The following TACC2 variants were observed in gnomAD, a reference collection of about 807,000 sequenced individuals.
TACC2 encodes the protein transforming acidic coiled-coil-containing protein 2.
A neutral mutation model predicts 227.3 loss-of-function variants in TACC2; 137 were observed. The observed-to-expected ratio is 0.60, with a 90% CI of 0.52 to 0.69. The LOEUF (loss-of-function observed/expected upper bound fraction) is 0.69. Among genes scored for constraint, TACC2 ranks in the 30% least tolerant of loss-of-function variants. The pLI is 0.00. For missense variants in TACC2, 3,470 were observed against 3,694.4 expected (o/e 0.94, Z 1.57); for synonymous variants, 1,523 against 1,487.5 (o/e 1.02, Z -0.55).
rs1006309780 is a variant in TACC2 at position 122,050,236 on chromosome 10, G to A, written c.34-202G>A. On this transcript the variant is annotated intron_variant, in intron 2 of 22. Coordinates refer to ENST00000369005, the MANE Select transcript of TACC2 (RefSeq NM_206862.4). This position sits in a 1 kb window ranked among gnomAD's most constrained non-coding sequence, Gnocchi z 4.6. Reference sequence around the variant, plus strand: ...ACTTTGTTTCTTCCCCACTGGATGAGAGCAGCAGCCACCTTTGCTTCGCTG... The same window carrying A: ...ACTTTGTTTCTTCCCCACTGGATGAAAGCAGCAGCCACCTTTGCTTCGCTG... 4.6e-5 allele frequency among the ~76,000 whole-genome samples: 7 copies of A among 152,182 alleles called. No homozygotes were observed. Among genetic ancestry groups the A allele is most frequent in the Non-Finnish European group, 7.3e-5 (5 of 68,046 alleles).
rs1194735598 is a variant in TACC2 at position 122,157,129 on chromosome 10, A to G, written c.5834+13423A>G. On this transcript the variant is annotated intron_variant, in intron 7 of 22. Transcript: ENST00000369005. ...CCTGTCTCAAATAAAATACAGTAAA[A>G]TAGACTTGTGAAGACAGGAGGAGCA... Among the ~76,000 whole-genome samples the G allele has an allele frequency of 9.2e-5, 14 of 152,230 alleles. 1 individual carries two copies. In the East Asian group the frequency reaches 2.7e-3, roughly 29 times the overall value.
Position 122,086,597 on chromosome 10 carries a change from C to A in TACC2, c.4097C>A (p.Ala1366Glu). The change falls in exon 4 of 23, where the codon GCA (alanine) becomes GAA (glutamate). Residue 1366 changes from alanine to glutamate, a missense_variant. By Grantham distance (107) the Ala-to-Glu change is moderately radical (BLOSUM62 -1). Coordinates refer to ENST00000369005, the MANE Select transcript of TACC2 (RefSeq NM_206862.4). ...AGTGGGGAGGGCATGGCAGGTGATG[C>A]AGCAGGAGAGACAGAGGGCAGCATG... ...KASGEGMAGDAAGETEGSMER... is the reference protein window; with the variant it reads ...KASGEGMAGDEAGETEGSMER... 1 of 1,597,442 alleles carries A rather than the reference C, an allele frequency of 6.3e-7. No individual in the cohort carries two copies. The highest frequency in any genetic ancestry group is 8.5e-7 in the Non-Finnish European group (1 of 1,171,788).
intron 19 of TACC2, among the ~76,000 whole-genome samples, chr10:122,245,549 C>T (rs2096092004): frequency 1.3e-5 from 2 of 152,054 alleles, no homozygotes; most frequent in East Asian, 3.9e-4. Context: ...GCCAGAATTC[C>T]AAGAATAAAA....
At chr10:122,239,744 T>C (rs1406874400) in intron 18 of TACC2, among the ~76,000 whole-genome samples, 1 of 152,068 alleles carries the variant, frequency 6.6e-6, no homozygotes, top group East Asian at 1.9e-4. Context: ...GGAGGTGCCA[T>C]TTACTAGCTG....
intron 2 of TACC2, among the ~76,000 whole-genome samples, chr10:122,035,300 G>C (rs1959917345): frequency 6.6e-6 from 1 of 152,188 alleles, no homozygotes; most frequent in Admixed American, 6.5e-5. Context: ...TACTTATTTA[G>C]GTGCTGTGAT....
At chr10:122,248,131 A>C (rs1364596807) in intron 19 of TACC2, 1 of 155,068 alleles carries the variant, frequency 6.4e-6, no homozygotes, top group Admixed American at 6.2e-5. Context: ...GCGTGAATGG[A>C]ATTTCAGAGG....
At chr10:122,250,785 C>A (rs946721807) in intron 22 of TACC2, among the ~76,000 whole-genome samples, 1 of 152,114 alleles carries the variant, frequency 6.6e-6, no homozygotes, top group African/African-American at 2.4e-5. Context: ...AAGCCTGTAT[C>A]GTTGGGCAGA....
At chr10:122,136,761 C>T (rs111251990) in intron 6 of TACC2, among the ~76,000 whole-genome samples, 13 of 152,122 alleles carry the variant, frequency 8.5e-5, no homozygotes, top group African/African-American at 3.1e-4. Context: ...GCCATGATGG[C>T]CAGACTAGTC....
At chr10:122,208,733 AGG>A (rs1297041752) in intron 8 of TACC2, among the ~76,000 whole-genome samples, 3 of 152,212 alleles carry the variant, frequency 2.0e-5, no homozygotes, top group Non-Finnish European at 4.4e-5. Context: ...CGGTGGCAGA[AGG>A]GGACTGGGGG....
At chr10:122,072,793 GTAGACCCAGTGC>G (rs1011026579) in intron 3 of TACC2, among the ~76,000 whole-genome samples, 4 of 152,008 alleles carry the variant, frequency 2.6e-5, no homozygotes, top group African/African-American at 4.8e-5. Flanking sequence ...TCAACAGAGC[GTAGACCCAGTGC>G]TAGACTAAGA....
chr10:122,254,232 T>C lies in TACC2; in HGVS notation c.*176T>C. On this transcript the variant is annotated 3_prime_UTR_variant, in exon 23 of 23. Coordinates refer to ENST00000369005, the MANE Select transcript of TACC2 (RefSeq NM_206862.4). The stretch of plus-strand genomic sequence containing the variant: ...CAGTACTAAGGAGACTATCAGAATT[T>C]CTTGCTATTGGTTTGCATTTTCCTA... The C allele has an allele frequency of 2.9e-6, 2 of 690,558 alleles. No individual in the cohort carries two copies. Among genetic ancestry groups the C allele is most frequent in the Non-Finnish European group, 5.3e-6 (2 of 378,194 alleles). The allele number at this position is 690,558 out of a possible 1,614,324, so 42.8% of individuals were successfully genotyped here.
At chr10:122,119,740 C>A (rs1233688596) in intron 5 of TACC2, among the ~76,000 whole-genome samples, 1 of 152,036 alleles carries the variant, frequency 6.6e-6, no homozygotes, top group Non-Finnish European at 1.5e-5. Flanking sequence ...ATGGCAAAAC[C>A]CTGTTCCTAC....
intron 5 of TACC2, among the ~76,000 whole-genome samples, chr10:122,114,801 C>T (rs1324322490): frequency 6.6e-6 from 1 of 152,230 alleles, no homozygotes; most frequent in East Asian, 1.9e-4. Flanking sequence ...ATCTTCAGGT[C>T]AAATGCTGCC....
At chr10:122,182,442 G>A (rs2094002445) in intron 7 of TACC2, among the ~76,000 whole-genome samples, 1 of 152,116 alleles carries the variant, frequency 6.6e-6, no homozygotes, top group South Asian at 2.1e-4. Context: ...AGTTGCTTGG[G>A]ATTTAGCCAA....
intron 22 of TACC2, among the ~76,000 whole-genome samples, chr10:122,250,909 T>C (rs974911412): frequency 1.6e-5 from 2 of 127,484 alleles, no homozygotes; most frequent in African/African-American, 5.8e-5. Flanking sequence ...ATTATTTTCA[T>C]TCTTTTTTTT....
At chr10:122,074,808 G>A (rs1246650505) in intron 3 of TACC2, among the ~76,000 whole-genome samples, 1 of 152,164 alleles carries the variant, frequency 6.6e-6, no homozygotes, top group Non-Finnish European at 1.5e-5. Context: ...GATCTACGTG[G>A]TCCCCGAATT....
chr10:122,019,261 G>A (rs1957054910), intron 1 of TACC2, among the ~76,000 whole-genome samples: 1 of 152,246 alleles, frequency 6.6e-6, no homozygotes, highest in Non-Finnish European at 1.5e-5. Context: ...GCCTGGGTAA[G>A]TACATTCTGC....
intron 5 of TACC2, among the ~76,000 whole-genome samples, chr10:122,111,083 C>G (rs896488735): frequency 7.9e-5 from 12 of 152,228 alleles, no homozygotes; most frequent in African/African-American, 2.4e-4. Flanking sequence ...CTTCTTCCTC[C>G]TCCTTCCAAT....
intron 8 of TACC2, among the ~76,000 whole-genome samples, chr10:122,208,279 G>T (rs1254842460): frequency 6.6e-6 from 1 of 152,178 alleles, no homozygotes; most frequent in Non-Finnish European, 1.5e-5. Context: ...TATTGATCCT[G>T]TAAGAAAGTG....
Sources: gnomAD v4.1 joint callset for allele counts (sites outside exome capture counted in the v4.1 genomes callset) on GRCh38, gnomAD v4.1.1 for gene constraint, Gnocchi (gnomAD v3.1) non-coding constraint, MANE v1.5 for transcripts, NCBI Gene and HGNC (gene_info 2026-07-23, HGNC 2026-07-21) for gene names.